Variants in ROBO2 observed in about 807,000 individuals in gnomAD.
ROBO2 encodes roundabout guidance receptor 2.
ROBO2 carries 53 observed loss-of-function variants against 160.8 expected under a neutral mutation model. The ratio of observed to expected loss-of-function variants is 0.33; its 90% CI spans 0.26 to 0.41. The LOEUF is 0.41. Ranked by LOEUF, ROBO2 falls within the 10% of genes least tolerant of loss-of-function variation. ROBO2 has a pLI of 1.00. For synonymous variants in ROBO2, 664 were observed against 611.7 expected (o/e 1.09, Z -1.26); for missense variants, 1,577 against 1,722.4 (o/e 0.92, Z 1.49).
chr3:77,065,234 G>A (rs900828950), intron 1 of ROBO2, among the ~76,000 whole-genome samples: 2 of 152,114 alleles, frequency 1.3e-5, no homozygotes, highest in Non-Finnish European at 2.9e-5. Context: ...AAAGAGTAGA[G>A]CAATAAATCA....
intron 1 of ROBO2, among the ~76,000 whole-genome samples, chr3:75,927,631 A>T (rs1559757924): frequency 6.6e-6 from 1 of 152,206 alleles, no homozygotes; most frequent in Non-Finnish European, 1.5e-5. Context: ...AATGCAGAAC[A>T]AAAAAAGACA....
Position 76,397,944 on chromosome 3 carries a change from G to A in ROBO2, c.109+460342G>A, listed in dbSNP as rs1426211091. Among the ~76,000 whole-genome samples, 1,075 of 151,860 alleles carry A rather than the reference G, an allele frequency of 7.1e-3. 15 individuals carry two copies. Among genetic ancestry groups the A allele is most frequent in the African/African-American group, 0.024 (1,008 of 41,352 alleles). On this transcript the variant is annotated intron_variant, in intron 2 of 26. Transcript: ENST00000487694. ...ATTCCTCAGGGATCTAGAACTAGAA[G>A]TACCATTTGACCCAGCCATCCCATT... is the stretch of plus-strand genomic sequence containing the variant.
At chr3:76,214,302 G>A (rs1703347318) in intron 2 of ROBO2, among the ~76,000 whole-genome samples, 1 of 152,050 alleles carries the variant, frequency 6.6e-6, no homozygotes, top group South Asian at 2.1e-4. Flanking sequence ...TCCAAAATTT[G>A]TGTTAAAACT....
intron 2 of ROBO2, among the ~76,000 whole-genome samples, chr3:77,234,111 CT>C (rs2151304549): frequency 6.6e-6 from 1 of 152,182 alleles, no homozygotes; most frequent in East Asian, 1.9e-4. Flanking sequence ...GGGTTTTTGC[CT>C]TTGGAAATTA....
intron 2 of ROBO2, among the ~76,000 whole-genome samples, chr3:76,309,155 G>T (rs1157306783): frequency 6.6e-6 from 1 of 152,094 alleles, no homozygotes; most frequent in Non-Finnish European, 1.5e-5. Flanking sequence ...CTCAGAAGTT[G>T]GTGGTGAGGG....
In ROBO2 at chr3:76,395,459, C is replaced by T. The variant is rs554633903; in HGVS notation, c.109+457857C>T. 5.2e-5 allele frequency among the ~76,000 whole-genome samples: 4 copies of T among 77,048 alleles called. 1 individual carries two copies. In the South Asian group the frequency reaches 1.8e-3, roughly 34 times the overall value. The allele number at this position is 77,048 out of a possible 152,430, so 50.5% of individuals were successfully genotyped here. On this transcript the variant is annotated intron_variant, in intron 2 of 26. Transcript: ENST00000487694. The stretch of plus-strand genomic sequence containing the variant: ...AACATATTCAAAAGCTAGCAGAAGG[C>T]AAGAAATAACTAAGAGCAGAACTGA...
At chr3:76,774,441 C>T (rs1576546695) in intron 2 of ROBO2, among the ~76,000 whole-genome samples, 1 of 151,050 alleles carries the variant, frequency 6.6e-6, no homozygotes, top group South Asian at 2.1e-4. Context: ...GAAATAATTT[C>T]ATAGCTTAGT....
Position 76,119,906 on chromosome 3 carries a change from T to TTCCCTCCC in ROBO2, c.109+182310_109+182317dup, listed in dbSNP as rs1367429570. ...CCTTCCCTTCCCTTCCTTCCCTTCC[T>TTCCCTCCC]TCCCTCCCTCCCTTCCTTCCTTCCT... On this transcript the variant is annotated intron_variant, in intron 2 of 26. Coordinates refer to the ROBO2 transcript ENST00000487694. Among the ~76,000 whole-genome samples the TTCCCTCCC allele has an allele frequency of 3.6e-4, 31 of 87,072 alleles. 1 individual carries two copies. Among genetic ancestry groups the TTCCCTCCC allele is most frequent in the East Asian group, 1.4e-3 (3 of 2,098 alleles). The allele number at this position is 87,072 out of a possible 152,430, so 57.1% of individuals were successfully genotyped here. A position where few individuals can be genotyped will look rare whatever the true frequency, so the allele number is the denominator to read the frequency against.
intron 2 of ROBO2, among the ~76,000 whole-genome samples, chr3:76,897,067 A>T (rs1388607357): frequency 6.6e-6 from 1 of 152,098 alleles, no homozygotes; most frequent in Non-Finnish European, 1.5e-5. Context: ...TTACTCATAG[A>T]AGGGTCTAAG....
intron 2 of ROBO2, among the ~76,000 whole-genome samples, chr3:76,177,067 A>G (rs1002363355): frequency 6.6e-6 from 1 of 152,182 alleles, no homozygotes; most frequent in African/African-American, 2.4e-5. Context: ...TTTTCAGTGA[A>G]TGCAATTATA....
In ROBO2 at chr3:76,374,577, T is replaced by C. The variant is rs1242433126; in HGVS notation, c.109+436975T>C. On this transcript the variant is annotated intron_variant, in intron 2 of 26. Transcript: ENST00000487694. ...AGGTTTAATTTTAAAAGTAGTTGGATTATCAGAGAAAAAAACTCCCCTTAC... is the reference window on the plus strand; with the variant it reads ...AGGTTTAATTTTAAAAGTAGTTGGACTATCAGAGAAAAAAACTCCCCTTAC... 2.6e-5 allele frequency among the ~76,000 whole-genome samples: 4 copies of C among 152,024 alleles called. No individual in the cohort carries two copies. In the East Asian group the frequency reaches 7.8e-4, roughly 29 times the overall value.
chr3:77,453,832 T>C (rs2081349857), intron 2 of ROBO2, among the ~76,000 whole-genome samples: 1 of 152,280 alleles, frequency 6.6e-6, no homozygotes, highest in South Asian at 2.1e-4. Context: ...TTTTTATCAA[T>C]TGACTGCCAA....
At chr3:77,065,109 A>C (rs752583583) in intron 1 of ROBO2, among the ~76,000 whole-genome samples, 19 of 152,194 alleles carry the variant, frequency 1.2e-4, no homozygotes, top group Admixed American at 5.2e-4. Flanking sequence ...ATCAGAGGGA[A>C]CTGCATATAA....
chr3:76,875,298 C>T (rs934473417), intron 2 of ROBO2, among the ~76,000 whole-genome samples: 11 of 152,180 alleles, frequency 7.2e-5, no homozygotes, highest in South Asian at 6.2e-4. Flanking sequence ...GTGAGAAATA[C>T]GTTTCTGTTC....
At chr3:76,954,557 T>C (rs1379997538) in intron 2 of ROBO2, among the ~76,000 whole-genome samples, 1 of 152,136 alleles carries the variant, frequency 6.6e-6, no homozygotes, top group Non-Finnish European at 1.5e-5. Flanking sequence ...GACCATAACC[T>C]GAAGAGAAAC....
At chr3:77,442,814 A>G (rs2080091544) in intron 2 of ROBO2, among the ~76,000 whole-genome samples, 1 of 152,176 alleles carries the variant, frequency 6.6e-6, no homozygotes, top group South Asian at 2.1e-4. Context: ...GTAGTGTGTG[A>G]CTTTCCCATA....
intron 2 of ROBO2, among the ~76,000 whole-genome samples, chr3:76,833,767 G>GT (rs1369004990): frequency 1.3e-5 from 2 of 151,824 alleles, no homozygotes; most frequent in African/African-American, 4.8e-5. Context: ...CTTTACACTG[G>GT]TAAGTGCCCA....
chr3:77,587,552 C>A (rs1353945119), intron 16 of ROBO2, among the ~76,000 whole-genome samples: 2 of 151,974 alleles, frequency 1.3e-5, no homozygotes, highest in Non-Finnish European at 1.5e-5. Flanking sequence ...TCCACTTCAA[C>A]CCTCCCAAAA....
intron 2 of ROBO2, among the ~76,000 whole-genome samples, chr3:77,308,950 A>G (rs1205541355): frequency 6.6e-6 from 1 of 152,156 alleles, no homozygotes; most frequent in Admixed American, 6.5e-5. Flanking sequence ...CTTTTAGTCC[A>G]ATATTTTCTC....
Sources: gnomAD v4.1 joint callset for allele counts (sites outside exome capture counted in the v4.1 genomes callset) on GRCh38, gnomAD v4.1.1 for gene constraint, MANE v1.5 for transcripts, NCBI Gene and HGNC (gene_info 2026-07-23, HGNC 2026-07-21) for gene names.